GLIS3: variants seen among roughly 807,000 people sequenced by gnomAD.
The protein encoded by GLIS3 is GLIS family zinc finger 3.
Under a neutral mutation model 78.6 loss-of-function variants are expected in GLIS3, and 53 were observed. The observed-to-expected ratio is 0.67, with a 90% CI of 0.54 to 0.85. The LOEUF (loss-of-function observed/expected upper bound fraction) is 0.85. GLIS3 is among the 40% of genes least tolerant of loss of function. GLIS3 has a pLI of 0.00. For missense variants in GLIS3, 1,703 were observed against 1,231.1 expected, an observed-to-expected ratio of 1.38 and a Z score of -5.74; for synonymous variants, 684 against 509.9, an observed-to-expected ratio of 1.34 and a Z score of -4.60.
At chr9:4,059,579 C>T (rs1427637883) in intron 4 of GLIS3, among the ~76,000 whole-genome samples, 1 of 152,202 alleles carries the variant, frequency 6.6e-6, no homozygotes, top group African/African-American at 2.4e-5. Context: ...TGCACTTGAA[C>T]ATCCATGGGA....
intron 2 of GLIS3, among the ~76,000 whole-genome samples, chr9:4,133,796 A>ATGCTGAT (rs1327783616): frequency 6.7e-6 from 1 of 149,802 alleles, no homozygotes; most frequent in Non-Finnish European, 1.5e-5. Context: ...CAGAAACAGC[A>ATGCTGAT]TGCTGATGCC....
chr9:4,314,685 C>G (rs1817412775), intron 2 of GLIS3, among the ~76,000 whole-genome samples: 1 of 152,186 alleles, frequency 6.6e-6, no homozygotes, highest in African/African-American at 2.4e-5. Context: ...AGGTTCAGAA[C>G]TCACATGAAA....
intron 7 of GLIS3, 142 bp downstream of exon 7, chr9:3,898,549 G>C: frequency 1.1e-6 from 1 of 881,484 alleles, no homozygotes; most frequent in Non-Finnish European, 1.9e-6. Context: ...ATCAGAAGGG[G>C]TGGAGAGCAA....
chr9:4,484,239 A>ATTT, the GLIS3 span, among the ~76,000 whole-genome samples: 11 of 127,172 alleles, frequency 8.6e-5, no homozygotes, highest in East Asian at 2.1e-4. Flanking sequence ...TTTTTTTTTT[A>ATTT]TTTTTTTTAT....
At chr9:3,902,790 G>T (rs894113837) in intron 6 of GLIS3, among the ~76,000 whole-genome samples, 1 of 152,206 alleles carries the variant, frequency 6.6e-6, no homozygotes, top group Non-Finnish European at 1.5e-5. Context: ...AAGAGGAAAT[G>T]AACTGTGGAA....
At chr9:3,893,062 T>G (rs1040356532) in intron 7 of GLIS3, among the ~76,000 whole-genome samples, 4 of 152,072 alleles carry the variant, frequency 2.6e-5, no homozygotes, top group Admixed American at 2.6e-4. Flanking sequence ...AGGTATTAAG[T>G]CTACTTGTTT....
At chr9:4,143,962 T>C (rs971378809) in intron 2 of GLIS3, among the ~76,000 whole-genome samples, 2 of 152,346 alleles carry the variant, frequency 1.3e-5, no homozygotes, top group South Asian at 2.1e-4. Context: ...GAAAAGAGAA[T>C]AGACGACGTC....
chr9:3,830,086 A>G (rs1455172), intron 9 of GLIS3, among the ~76,000 whole-genome samples: 151,737 of 152,350 alleles, frequency 1, 75,565 homozygotes, highest in Middle Eastern at 1. Flanking sequence ...GGAAGTGAAT[A>G]ATGTTATGAA....
intron 2 of GLIS3, among the ~76,000 whole-genome samples, chr9:4,193,744 G>T (rs1288347940): frequency 6.6e-6 from 1 of 152,250 alleles, no homozygotes; most frequent in Non-Finnish European, 1.5e-5. Flanking sequence ...TTGAGGATCT[G>T]TCTGTGCAGA....
At position 4,267,437 on chromosome 9, in the gene GLIS3, T is replaced by C. The variant is rs561064470; in HGVS notation, c.388+18601A>G. Among the ~76,000 whole-genome samples the C allele has an allele frequency of 8.5e-4, 130 of 152,308 alleles. 3 individuals carry two copies. The South Asian group carries it at 0.026, about 30-fold the overall frequency. On this transcript the variant is annotated intron_variant, in intron 2 of 10. Transcript: ENST00000381971. ...TTTGCCAGTTCCTCAAAAGATTAAT[T>C]TCTGGATGTAGAAAAATATGAAAGT...
chr9:3,902,371 A>C (rs925106200), intron 6 of GLIS3, among the ~76,000 whole-genome samples: 1 of 152,230 alleles, frequency 6.6e-6, no homozygotes, highest in African/African-American at 2.4e-5. Context: ...TCTCTAGTAC[A>C]GGAATGATCT....
At chr9:4,240,491 C>T (rs138599513) in intron 2 of GLIS3, among the ~76,000 whole-genome samples, 4 of 152,034 alleles carry the variant, frequency 2.6e-5, no homozygotes, top group South Asian at 4.2e-4. Context: ...ATAACTTCAA[C>T]GGTCCATTCC....
chr9:3,841,809 A>G (rs979243966), intron 9 of GLIS3, among the ~76,000 whole-genome samples: 1 of 152,234 alleles, frequency 6.6e-6, no homozygotes, highest in Admixed American at 6.5e-5. Flanking sequence ...TTTTGCCAAC[A>G]GTAAAACCCA....
intron 4 of GLIS3, among the ~76,000 whole-genome samples, chr9:4,055,064 T>C (rs1048823311): frequency 2.6e-5 from 4 of 152,198 alleles, no homozygotes; most frequent in African/African-American, 9.6e-5. Flanking sequence ...CTTTTCCTTG[T>C]CCAGTGGGTA....
intron 2 of GLIS3, among the ~76,000 whole-genome samples, chr9:4,231,273 G>A (rs1008219228): frequency 5.9e-5 from 9 of 152,026 alleles, no homozygotes; most frequent in African/African-American, 1.7e-4. Context: ...AAATCTATAC[G>A]TGACATATTA....
In GLIS3 at chr9:4,025,971, G is replaced by A. The variant is rs1342687396; in HGVS notation, c.1711-88782C>T. Among the ~76,000 whole-genome samples, 3 of 152,144 alleles carry A rather than the reference G, an allele frequency of 2.0e-5. No individual in the cohort carries two copies. In the East Asian group the frequency reaches 5.8e-4, roughly 29 times the overall value. The stretch of plus-strand genomic sequence containing the variant: ...TTCTGTATTATAATTAGGACAAAAT[G>A]CTACAGGTAATGTTTAAAAGTAGAA... On this transcript the variant is annotated intron_variant, in intron 4 of 10. Coordinates refer to ENST00000381971, the MANE Select transcript of GLIS3 (RefSeq NM_001042413.2).
intron 7 of GLIS3, among the ~76,000 whole-genome samples, chr9:3,892,858 C>T (rs1000911027): frequency 6.6e-6 from 1 of 152,158 alleles, no homozygotes; most frequent in Non-Finnish European, 1.5e-5. Context: ...CTCTGTTTTG[C>T]CACCTTCTTA....
intron 2 of GLIS3, among the ~76,000 whole-genome samples, chr9:4,254,750 G>C (rs1394464161): frequency 6.6e-6 from 1 of 151,064 alleles, no homozygotes; most frequent in South Asian, 2.1e-4. Flanking sequence ...TGAGGCAGGA[G>C]AATTGCTTGA....
chr9:4,333,657 T>G (rs535681192), intron 2 of GLIS3, among the ~76,000 whole-genome samples: 1 of 152,188 alleles, frequency 6.6e-6, no homozygotes, highest in East Asian at 1.9e-4. Context: ...ATGAGACCCT[T>G]TTGTCAAATA....
Sources: allele counts gnomAD v4.1 joint callset (sites outside exome capture counted in the v4.1 genomes callset), GRCh38; gene constraint gnomAD v4.1.1; transcripts MANE v1.5; gene names NCBI Gene and HGNC (gene_info 2026-07-23, HGNC 2026-07-21).